The following RABGAP1 variants were observed in gnomAD, a reference collection of about 807,000 sequenced individuals.
The protein encoded by RABGAP1 is RAB GTPase activating protein 1.
RABGAP1 carries 23 observed loss-of-function variants against 137.6 expected under a neutral mutation model. That is an observed-to-expected ratio of 0.17 (90% confidence interval 0.12 to 0.24). The LOEUF (loss-of-function observed/expected upper bound fraction) is 0.24, where lower values mean the gene tolerates loss of function less well. Ranked by LOEUF, RABGAP1 falls within the 10% of genes least tolerant of loss-of-function variation. RABGAP1 has a pLI of 1.00. For missense variants in RABGAP1, 906 were observed against 1,275.8 expected, an observed-to-expected ratio of 0.71 and a Z score of 4.42; for synonymous variants, 451 against 450.7, an observed-to-expected ratio of 1.00 and a Z score of -0.01.
At chr9:122,953,072 A>C (rs991080334) in intron 1 of RABGAP1, among the ~76,000 whole-genome samples, 10 of 152,156 alleles carry the variant, frequency 6.6e-5, no homozygotes, top group Non-Finnish European at 7.4e-5. Flanking sequence ...TAATTTATTT[A>C]TTTTTTCCTC....
intron 13 of RABGAP1, among the ~76,000 whole-genome samples, chr9:123,037,703 C>T (rs982501140): frequency 1.3e-5 from 2 of 152,048 alleles, no homozygotes; most frequent in African/African-American, 4.8e-5. Flanking sequence ...GATATTAAAT[C>T]AGCAGGTTTG....
chr9:122,949,429 G>A (rs1168280024), intron 1 of RABGAP1, among the ~76,000 whole-genome samples: 3 of 152,094 alleles, frequency 2.0e-5, no homozygotes, highest in East Asian at 1.9e-4. Context: ...CAGGAAAATC[G>A]CTTGAACCTG....
intron 6 of RABGAP1, among the ~76,000 whole-genome samples, chr9:122,993,038 A>G (rs1340745598): frequency 1.3e-5 from 2 of 151,750 alleles, no homozygotes; most frequent in Non-Finnish European, 2.9e-5. Flanking sequence ...ATTATTATGA[A>G]TGTTCTCCAA....
upstream of RABGAP1, chr9:122,939,623 G>A (rs1833458115): frequency 6.6e-6 from 1 of 152,192 alleles, no homozygotes; most frequent in Admixed American, 6.5e-5. Context: ...TATTTGGGGT[G>A]TCCATGAATC....
At chr9:122,988,098 T>C (rs1203568883) in intron 4 of RABGAP1, among the ~76,000 whole-genome samples, 1 of 152,218 alleles carries the variant, frequency 6.6e-6, no homozygotes, top group Non-Finnish European at 1.5e-5. Context: ...AAAATGTGTT[T>C]AGCACTCATT....
chr9:122,974,415 C>CTTTTTTT lies in RABGAP1; in HGVS notation c.151-10050_151-10044dup, dbSNP rs11331973. On this transcript the variant is annotated intron_variant, in intron 2 of 25. Coordinates refer to ENST00000373647, the MANE Select transcript of RABGAP1 (RefSeq NM_012197.4). The stretch of plus-strand genomic sequence containing the variant: ...CCTCCCAAGATGGAAATGGCTTTGT[C>CTTTTTTT]TTTTTTTTTTTTTTTTTTTTTTTTT... Among the ~76,000 whole-genome samples the CTTTTTTT allele has an allele frequency of 9.8e-4, 57 of 58,212 alleles. 2 individuals are homozygous for CTTTTTTT. The highest frequency in any genetic ancestry group is 5.4e-3 in the East Asian group (9 of 1,666). The allele number at this position is 58,212 out of a possible 152,430, so 38.2% of individuals were successfully genotyped here.
chr9:122,981,751 T>C (rs913683340), intron 2 of RABGAP1, among the ~76,000 whole-genome samples: 14 of 152,180 alleles, frequency 9.2e-5, no homozygotes, highest in Non-Finnish European at 1.9e-4. Context: ...AAGAACTTAA[T>C]TGATTAAAGT....
chr9:122,993,107 G>A (rs1249074040), intron 6 of RABGAP1, among the ~76,000 whole-genome samples: 1 of 151,990 alleles, frequency 6.6e-6, no homozygotes, highest in African/African-American at 2.4e-5. Flanking sequence ...GTTGAATAGA[G>A]TACTAAAACA....
At chr9:123,051,216 G>GTTTTTTTTTTT (rs552457119) in intron 13 of RABGAP1, among the ~76,000 whole-genome samples, 7 of 34,276 alleles carry the variant, frequency 2.0e-4, no homozygotes, top group Non-Finnish European at 3.4e-4. Context: ...ATTCACCTTG[G>GTTTTTTTTTTT]TTTTTTTTTT....
At chr9:123,001,136 C>A (rs1837305679) in intron 10 of RABGAP1, among the ~76,000 whole-genome samples, 1 of 152,300 alleles carries the variant, frequency 6.6e-6, no homozygotes. Flanking sequence ...GTGGGAGCCA[C>A]CGCGCCTGGC....
intron 1 of RABGAP1, among the ~76,000 whole-genome samples, chr9:122,949,374 G>A (rs558720489): frequency 2.6e-5 from 4 of 152,080 alleles, no homozygotes; most frequent in South Asian, 4.1e-4. Flanking sequence ...TTAGCCAGGC[G>A]TGGTGGCGGG....
chr9:122,994,005 C>G (rs944150114), intron 6 of RABGAP1, among the ~76,000 whole-genome samples: 1 of 152,134 alleles, frequency 6.6e-6, no homozygotes, highest in Non-Finnish European at 1.5e-5. Flanking sequence ...CAAGACACTT[C>G]TTTTTTGTTT....
intron 4 of RABGAP1, 46 bp downstream of exon 4, chr9:122,986,465 T>G: frequency 2.6e-6 from 4 of 1,560,194 alleles, no homozygotes; most frequent in Middle Eastern, 1.7e-4. Flanking sequence ...ATCAGATCTC[T>G]GACCTGTTGC....
chr9:123,074,487 G>C (rs2034453664), intron 17 of RABGAP1, 59 bp downstream of exon 17: 1 of 1,483,450 alleles, frequency 6.7e-7, no homozygotes, highest in Non-Finnish European at 9.1e-7. Flanking sequence ...GAGGAGAACA[G>C]ATTCTGTTTT....
At chr9:122,958,329 G>T (rs1834652761) in intron 2 of RABGAP1, among the ~76,000 whole-genome samples, 1 of 152,196 alleles carries the variant, frequency 6.6e-6, no homozygotes, top group Non-Finnish European at 1.5e-5. Context: ...GTTTGGGGAG[G>T]TGTAGAGCTT....
At chr9:123,101,852 GT>G in intron 25 of RABGAP1, 89 bp downstream of exon 25, 1 of 1,340,788 alleles carries the variant, frequency 7.5e-7, no homozygotes, top group Non-Finnish European at 9.9e-7. Context: ...ATGGTTTGGG[GT>G]TTTTCCACAC....
At chr9:123,028,107 C>T (rs1264644242) in intron 13 of RABGAP1, among the ~76,000 whole-genome samples, 6 of 152,010 alleles carry the variant, frequency 3.9e-5, no homozygotes. Flanking sequence ...AGTTTTTGAC[C>T]CACAAATAGG....
chr9:123,033,122 A>G (rs1157745962), intron 13 of RABGAP1, among the ~76,000 whole-genome samples: 2 of 152,212 alleles, frequency 1.3e-5, no homozygotes, highest in African/African-American at 2.4e-5. Context: ...GCCAATATTC[A>G]GTGAATCATG....
At chr9:122,980,212 G>A (rs779813344) in intron 2 of RABGAP1, among the ~76,000 whole-genome samples, 22 of 152,196 alleles carry the variant, frequency 1.4e-4, no homozygotes, top group Admixed American at 2.6e-4. Flanking sequence ...TTATCTGGCC[G>A]TTTACAGAAA....
Sources: gnomAD v4.1 joint callset for allele counts (sites outside exome capture counted in the v4.1 genomes callset) on GRCh38, gnomAD v4.1.1 for gene constraint, MANE v1.5 for transcripts, NCBI Gene and HGNC (gene_info 2026-07-23, HGNC 2026-07-21) for gene names.